The following ASIC2 variants were observed in gnomAD, a reference collection of about 807,000 sequenced individuals.
ASIC2 encodes acid sensing ion channel subunit 2.
In ASIC2, 25 loss-of-function variants were observed where a neutral mutation model predicts 57.3. That is an observed-to-expected ratio of 0.44 (90% CI 0.32 to 0.61). ASIC2 has a LOEUF of 0.61. Ranked by LOEUF, ASIC2 falls within the 20% of genes least tolerant of loss-of-function variation. ASIC2 has a pLI of 0.06. For synonymous variants in ASIC2, 319 were observed against 307.5 expected (o/e 1.04, Z -0.39); for missense variants, 641 against 738.1 (o/e 0.87, Z 1.52).
chr17:33,739,505 G>C (rs1287709969), intron 1 of ASIC2, among the ~76,000 whole-genome samples: 1 of 152,258 alleles, frequency 6.6e-6, no homozygotes, highest in Non-Finnish European at 1.5e-5. Context: ...GACAGTAAAT[G>C]ATAGCCAGTG....
At chr17:33,542,494 T>C (rs1187329471) in intron 1 of ASIC2, among the ~76,000 whole-genome samples, 3 of 123,982 alleles carry the variant, frequency 2.4e-5, no homozygotes, top group Non-Finnish European at 5.0e-5. Context: ...CTCTGATGGC[T>C]AGTGATGATG....
In ASIC2 at chr17:33,276,639, TCCGTTG is replaced by T. The variant is rs1904716942; in HGVS notation, c.708+14763_708+14768del. 2.0e-5 allele frequency among the ~76,000 whole-genome samples: 3 copies of T among 152,320 alleles called. No homozygotes were observed. In the South Asian group the frequency reaches 6.2e-4, roughly 32 times the overall value. Reference sequence around the variant, plus strand: ...CTAACTCCTTTTGGAGGTATGTGACTCCGTTGCCATTTCTCCGTTCACATGGACTCC... The same window carrying T: ...CTAACTCCTTTTGGAGGTATGTGACTCCATTTCTCCGTTCACATGGACTCC... On this transcript the variant is annotated intron_variant, in intron 1 of 9. Coordinates refer to ENST00000225823, the MANE Select transcript of ASIC2 (RefSeq NM_183377.2).
intron 1 of ASIC2, among the ~76,000 whole-genome samples, chr17:33,658,655 T>G (rs1366760595): frequency 1.3e-5 from 2 of 152,172 alleles, no homozygotes; most frequent in Admixed American, 1.3e-4. Context: ...CTCCCTCAAG[T>G]GCCTTTATAA....
chr17:33,133,426 C>T (rs1235738612), intron 1 of ASIC2, among the ~76,000 whole-genome samples: 1 of 152,140 alleles, frequency 6.6e-6, no homozygotes, highest in Non-Finnish European at 1.5e-5. Flanking sequence ...TTATGGGGAA[C>T]TGAAGGCTGG....
intron 1 of ASIC2, among the ~76,000 whole-genome samples, chr17:34,146,501 T>TTCA (rs556496625): frequency 1.4e-3 from 208 of 152,288 alleles, no homozygotes; most frequent in Admixed American, 5.4e-3. Flanking sequence ...TAAGCATGAA[T>TTCA]GTGGTTTCAG....
intron 1 of ASIC2, among the ~76,000 whole-genome samples, chr17:33,778,470 C>G (rs1020927763): frequency 1.3e-5 from 2 of 152,162 alleles, no homozygotes; most frequent in African/African-American, 4.8e-5. Flanking sequence ...AAAAAACCCT[C>G]AAATCCCATT....
intron 1 of ASIC2, among the ~76,000 whole-genome samples, chr17:33,144,944 G>A (rs1395420187): frequency 6.6e-6 from 1 of 152,196 alleles, no homozygotes; most frequent in African/African-American, 2.4e-5. Flanking sequence ...GACAATCAAG[G>A]TTGTCTCCTA....
chr17:33,654,228 G>T (rs1907009971), intron 1 of ASIC2, among the ~76,000 whole-genome samples: 1 of 152,226 alleles, frequency 6.6e-6, no homozygotes, highest in Admixed American at 6.5e-5. Context: ...GAAGGAAAGT[G>T]AGCATATCAA....
At chr17:33,561,521 A>G (rs1049945181) in intron 1 of ASIC2, among the ~76,000 whole-genome samples, 1 of 152,232 alleles carries the variant, frequency 6.6e-6, no homozygotes, top group Non-Finnish European at 1.5e-5. Flanking sequence ...TAGAAACAGA[A>G]GACTGAACAG....
rs138580444 is a variant in ASIC2, at chr17:33,916,490, G to T, written c.555+239488C>A. Among the ~76,000 whole-genome samples the T allele has an allele frequency of 3.5e-4, 53 of 152,254 alleles. No homozygotes were observed. In the East Asian group the frequency reaches 0.01, roughly 29 times the overall value. On this transcript the variant is annotated intron_variant, in intron 1 of 9. Coordinates refer to the ASIC2 transcript ENST00000359872. ...GCCACACCTGATGACATCCCTATTT[G>T]CTAGTCTTTTCAATTTAACTCAGTC...
intron 1 of ASIC2, among the ~76,000 whole-genome samples, chr17:34,050,649 G>GCA (rs2142053008): frequency 6.6e-6 from 1 of 152,246 alleles, no homozygotes; most frequent in South Asian, 2.1e-4. Context: ...TCTACTCTGT[G>GCA]CTTGATGAAA....
At chr17:33,774,455 G>A (rs1304219815) in intron 1 of ASIC2, among the ~76,000 whole-genome samples, 1 of 152,196 alleles carries the variant, frequency 6.6e-6, no homozygotes, top group South Asian at 2.1e-4. Flanking sequence ...GTTCACTGAA[G>A]TGCTGTGATT....
At chr17:33,868,143 T>C (rs1335470781) in intron 1 of ASIC2, among the ~76,000 whole-genome samples, 1 of 152,154 alleles carries the variant, frequency 6.6e-6, no homozygotes, top group Non-Finnish European at 1.5e-5. Context: ...AATTTATTTA[T>C]GTGCCCAAAA....
intron 1 of ASIC2, among the ~76,000 whole-genome samples, chr17:33,837,363 C>G (rs1465340071): frequency 6.6e-6 from 1 of 152,110 alleles, no homozygotes; most frequent in African/African-American, 2.4e-5. Context: ...TATTGCTGTC[C>G]CCTAAATTGA....
intron 1 of ASIC2, among the ~76,000 whole-genome samples, chr17:33,963,914 G>C (rs1395601586): frequency 2.0e-5 from 3 of 152,206 alleles, no homozygotes; most frequent in Non-Finnish European, 4.4e-5. Context: ...TTTGGCATTA[G>C]GAAATCTGGG....
At chr17:33,204,854 C>T (rs1194782688) in intron 1 of ASIC2, among the ~76,000 whole-genome samples, 3 of 152,118 alleles carry the variant, frequency 2.0e-5, no homozygotes, top group Non-Finnish European at 4.4e-5. Flanking sequence ...ACAGAAGGGC[C>T]ATGAATGAAG....
intron 1 of ASIC2, among the ~76,000 whole-genome samples, chr17:33,940,799 G>T (rs1057053766): frequency 1.3e-5 from 2 of 152,244 alleles, no homozygotes; most frequent in African/African-American, 4.8e-5. Context: ...GTCTTGGGGT[G>T]TCAAGAGAAG....
At chr17:33,659,850 T>C (rs189847190) in intron 1 of ASIC2, among the ~76,000 whole-genome samples, 5,412 of 148,938 alleles carry the variant, frequency 0.036, 322 homozygotes, top group African/African-American at 0.13. Flanking sequence ...CCAGCCTGGG[T>C]GACAGAGCGA....
chr17:33,992,481 G>T (rs117382086), intron 1 of ASIC2, among the ~76,000 whole-genome samples: 5 of 152,230 alleles, frequency 3.3e-5, no homozygotes, highest in Admixed American at 6.5e-5. Context: ...CCTTCATTTG[G>T]GATTTCAGTT....
Sources: allele counts gnomAD v4.1 joint callset (sites outside exome capture counted in the v4.1 genomes callset), GRCh38; gene constraint gnomAD v4.1.1; transcripts MANE v1.5; gene names NCBI Gene and HGNC (gene_info 2026-07-23, HGNC 2026-07-21).